The following CNTNAP5 variants were observed in gnomAD, a reference collection of about 807,000 sequenced individuals.
CNTNAP5 encodes contactin associated protein family member 5.
In CNTNAP5, 72 loss-of-function variants were observed where a neutral mutation model predicts 150.2. The observed-to-expected ratio is 0.48, with a 90% CI of 0.40 to 0.58. CNTNAP5 has a LOEUF of 0.58. CNTNAP5 is among the 20% of genes least tolerant of loss of function. The pLI is 0.00. For missense variants in CNTNAP5, 1,636 were observed against 1,626.2 expected (o/e 1.01, Z -0.10); for synonymous variants, 672 against 619.8 (o/e 1.08, Z -1.25).
intron 20 of CNTNAP5, among the ~76,000 whole-genome samples, chr2:124,869,111 G>A (rs550876414): frequency 7.8e-4 from 118 of 152,224 alleles, no homozygotes; most frequent in Non-Finnish European, 1.2e-3. Flanking sequence ...ATTATCAATC[G>A]TCCATGTTGG....
chr2:124,874,504 C>G (rs970774066), intron 21 of CNTNAP5, among the ~76,000 whole-genome samples: 1 of 152,040 alleles, frequency 6.6e-6, no homozygotes, highest in Non-Finnish European at 1.5e-5. Flanking sequence ...GAAAGAAACT[C>G]TGCCTTTTTT....
At chr2:124,899,082 G>T (rs990018366) in intron 21 of CNTNAP5, among the ~76,000 whole-genome samples, 1 of 151,342 alleles carries the variant, frequency 6.6e-6, no homozygotes, top group African/African-American at 2.5e-5. Context: ...GCCATGTCAC[G>T]TTAAACATCT....
intron 2 of CNTNAP5, among the ~76,000 whole-genome samples, chr2:124,234,310 A>C (rs4848924): frequency 0.28 from 43,246 of 152,074 alleles, 6,362 homozygotes; most frequent in South Asian, 0.47. Context: ...TCATTTTATA[A>C]GAGAAATTTT....
intron 7 of CNTNAP5, among the ~76,000 whole-genome samples, chr2:124,477,925 C>A (rs1693680598): frequency 6.6e-6 from 1 of 151,860 alleles, no homozygotes; most frequent in Admixed American, 6.6e-5. Flanking sequence ...CAAAGTGAAA[C>A]AACAGTAAGC....
At chr2:124,792,891 C>T (rs190297661) in intron 18 of CNTNAP5, among the ~76,000 whole-genome samples, 82 of 152,216 alleles carry the variant, frequency 5.4e-4, no homozygotes, top group East Asian at 4.5e-3. Context: ...AAGAGTGTTG[C>T]GCAGTGTGAA....
At chr2:124,296,987 C>A (rs1200279020) in intron 3 of CNTNAP5, among the ~76,000 whole-genome samples, 2 of 152,300 alleles carry the variant, frequency 1.3e-5, no homozygotes, top group South Asian at 2.1e-4. Context: ...CTCTCTGGGG[C>A]AGCTCCTTTG....
rs576041379 is a variant in CNTNAP5 at position 124,343,407 on chromosome 2, T to C, written c.382-74036T>C. Among the ~76,000 whole-genome samples the C allele has an allele frequency of 7.2e-5, 11 of 152,298 alleles. No homozygotes were observed. The East Asian group carries it at 1.9e-3, about 27-fold the overall frequency. On this transcript the variant is annotated intron_variant, in intron 3 of 23. Coordinates refer to ENST00000682447, the MANE Select transcript of CNTNAP5 (RefSeq NM_001367498.1). ...GGATAAGCCTCATTGGTTTAATATC[T>C]TTTTAGGGGGAATTTTAGAGACTTT...
In CNTNAP5 at chr2:124,276,325, A is replaced by G. The variant is rs1456512079; in HGVS notation, c.381+33932A>G. Among the ~76,000 whole-genome samples the G allele has an allele frequency of 5.3e-5, 8 of 152,202 alleles. 1 individual carries two copies. The highest frequency in any genetic ancestry group is 5.2e-4 in the Admixed American group (8 of 15,262). On this transcript the variant is annotated intron_variant, in intron 3 of 23. Transcript: ENST00000682447. ...ACTTCAAATATGAAATGATGTAAAA[A>G]CAAAATACCTTAATAGGCAAGATTA... is the stretch of plus-strand genomic sequence containing the variant.
intron 13 of CNTNAP5, among the ~76,000 whole-genome samples, chr2:124,674,030 C>G (rs976881871): frequency 6.6e-6 from 1 of 152,036 alleles, no homozygotes; most frequent in African/African-American, 2.4e-5. Context: ...CCCACCTTGC[C>G]GCATTCACCA....
At chr2:124,534,780 G>T (rs1695190831) in intron 10 of CNTNAP5, among the ~76,000 whole-genome samples, 1 of 152,152 alleles carries the variant, frequency 6.6e-6, no homozygotes, top group Admixed American at 6.5e-5. Context: ...TCTTGACTTG[G>T]TGGGTTTTGG....
chr2:124,839,604 T>C (rs958640412), intron 19 of CNTNAP5, among the ~76,000 whole-genome samples: 1 of 152,132 alleles, frequency 6.6e-6, no homozygotes, highest in Non-Finnish European at 1.5e-5. Flanking sequence ...CATTGAGAGC[T>C]GCAGTTTTTC....
chr2:124,414,038 T>G (rs561633098), intron 3 of CNTNAP5, among the ~76,000 whole-genome samples: 1 of 152,064 alleles, frequency 6.6e-6, no homozygotes, highest in African/African-American at 2.4e-5. Context: ...TGCCATATTT[T>G]GGGGTACCAT....
chr2:124,249,573 C>A (rs1687119255), intron 3 of CNTNAP5, among the ~76,000 whole-genome samples: 1 of 152,286 alleles, frequency 6.6e-6, no homozygotes, highest in South Asian at 2.1e-4. Context: ...CCTAGAAGCC[C>A]CCATCCGCTT....
At chr2:124,850,444 C>T (rs549996121) in intron 19 of CNTNAP5, among the ~76,000 whole-genome samples, 1 of 152,084 alleles carries the variant, frequency 6.6e-6, no homozygotes. Flanking sequence ...TGGAGCAATG[C>T]ACACCAAAGA....
intron 3 of CNTNAP5, among the ~76,000 whole-genome samples, chr2:124,272,097 T>C (rs1687773769): frequency 6.6e-6 from 1 of 152,194 alleles, no homozygotes; most frequent in South Asian, 2.1e-4. Context: ...CCTCTTGGTA[T>C]GGTTTTTAAG....
intron 1 of CNTNAP5, among the ~76,000 whole-genome samples, chr2:124,219,939 C>T (rs181626509): frequency 6.6e-6 from 1 of 151,888 alleles, no homozygotes; most frequent in Non-Finnish European, 1.5e-5. Context: ...GGATCTGGCT[C>T]GGTTTTGTAT....
chr2:124,292,457 C>T (rs1027742757), intron 3 of CNTNAP5, among the ~76,000 whole-genome samples: 24 of 152,136 alleles, frequency 1.6e-4, no homozygotes, highest in African/African-American at 5.8e-4. Context: ...TTTAAAAACC[C>T]ATAATTACAT....
chr2:124,182,943 C>T (rs902194221), intron 1 of CNTNAP5, among the ~76,000 whole-genome samples: 9 of 152,152 alleles, frequency 5.9e-5, no homozygotes, highest in South Asian at 2.1e-4. Flanking sequence ...TACCAAGGAG[C>T]CTCTGCTTAT....
chr2:124,186,179 A>G (rs764288423), intron 1 of CNTNAP5, among the ~76,000 whole-genome samples: 7 of 152,214 alleles, frequency 4.6e-5, no homozygotes, highest in Non-Finnish European at 8.8e-5. Context: ...CCAGAACCAC[A>G]CATTGAGATC....
Sources: allele counts gnomAD v4.1 joint callset (sites outside exome capture counted in the v4.1 genomes callset), GRCh38; gene constraint gnomAD v4.1.1; transcripts MANE v1.5; gene names NCBI Gene and HGNC (gene_info 2026-07-23, HGNC 2026-07-21).